The following HIRA variants were observed in gnomAD, a reference collection of about 807,000 sequenced individuals.
The protein encoded by HIRA is histone cell cycle regulator, also known as protein HIRA.
Under a neutral mutation model 126.6 loss-of-function variants are expected in HIRA, and 13 were observed. The observed-to-expected ratio is 0.10, with a 90% CI of 0.07 to 0.16. HIRA has a LOEUF of 0.16. HIRA is among the 10% of genes least tolerant of loss of function. The pLI is 1.00. For missense variants in HIRA, 834 were observed against 1,314.4 expected, an observed-to-expected ratio of 0.63 and a Z score of 5.65; for synonymous variants, 511 against 520.0, an observed-to-expected ratio of 0.98 and a Z score of 0.24.
chr22:19,422,368 C>T (rs750989416), intron 1 of HIRA, among the ~76,000 whole-genome samples: 3 of 151,994 alleles, frequency 2.0e-5, no homozygotes, highest in African/African-American at 2.4e-5. Flanking sequence ...TGGATTACTA[C>T]CAGTAGTTGG....
chr22:19,416,736 C>G (rs912486040), intron 1 of HIRA, among the ~76,000 whole-genome samples: 2 of 151,996 alleles, frequency 1.3e-5, no homozygotes, highest in Non-Finnish European at 2.9e-5. Context: ...TTTTGTGCAT[C>G]AAAGGAAAAT....
chr22:19,394,943 C>A (rs9617790), intron 7 of HIRA, among the ~76,000 whole-genome samples: 1 of 152,184 alleles, frequency 6.6e-6, no homozygotes, highest in Non-Finnish European at 1.5e-5. Flanking sequence ...AACCCAGGAG[C>A]CTGGCAGAAG....
intron 14 of HIRA, among the ~76,000 whole-genome samples, chr22:19,376,353 G>A (rs1179020245): frequency 1.3e-5 from 2 of 152,170 alleles, no homozygotes; most frequent in African/African-American, 4.8e-5. Context: ...AGAGAAAGGA[G>A]AGGCCAGGCA....
intron 24 of HIRA, among the ~76,000 whole-genome samples, chr22:19,342,285 TTAAAAAA>T (rs1233791304): frequency 6.6e-6 from 1 of 152,014 alleles, no homozygotes; most frequent in Admixed American, 6.6e-5. Context: ...ATGGCCATAA[TTAAAAAA>T]TAAAAAAAAT....
intron 21 of HIRA, among the ~76,000 whole-genome samples, chr22:19,355,240 G>A (rs781919309): frequency 3.3e-5 from 5 of 152,108 alleles, no homozygotes; most frequent in East Asian, 1.9e-4. Context: ...CATAATTCAC[G>A]TGTCTGGGTT....
At chr22:19,378,160 C>T in intron 13 of HIRA, 94 bp from the exon 14 acceptor site, 1 of 889,278 alleles carries the variant, frequency 1.1e-6, no homozygotes, top group Non-Finnish European at 1.6e-6. Context: ...GGTCCAAAGG[C>T]AGTATGTTTT....
At chr22:19,388,167 T>C (rs1392738028) in intron 10 of HIRA, among the ~76,000 whole-genome samples, 1 of 152,230 alleles carries the variant, frequency 6.6e-6, no homozygotes, top group African/African-American at 2.4e-5. Flanking sequence ...AAGCAGAAAG[T>C]GTGCTTCTGA....
At chr22:19,415,784 C>T (rs1053524143) in intron 1 of HIRA, among the ~76,000 whole-genome samples, 6 of 151,284 alleles carry the variant, frequency 4.0e-5, no homozygotes, top group East Asian at 1.9e-4. Flanking sequence ...AGTGAAACTC[C>T]GTCTCAAAAA....
intron 15 of HIRA, among the ~76,000 whole-genome samples, chr22:19,371,256 C>G (rs2088961985): frequency 6.6e-6 from 1 of 152,212 alleles, no homozygotes; most frequent in Non-Finnish European, 1.5e-5. Context: ...GGGGACTCCT[C>G]TCTATTGCCC....
At position 19,335,391 on chromosome 22, in the gene HIRA, T is replaced by C. The variant is rs1601795015; in HGVS notation, c.2938-3835A>G. 4.6e-5 allele frequency among the ~76,000 whole-genome samples: 7 copies of C among 152,206 alleles called. 2 individuals are homozygous for C. Reference sequence around the variant, plus strand: ...TCCTGAGTAGCTGGGACTACAGGCATGTGCCACCACACCCGGCTAATTTTT... The same window carrying C: ...TCCTGAGTAGCTGGGACTACAGGCACGTGCCACCACACCCGGCTAATTTTT... On this transcript the variant is annotated intron_variant, in intron 24 of 24. Coordinates refer to ENST00000263208, the MANE Select transcript of HIRA (RefSeq NM_003325.4).
intron 2 of HIRA, among the ~76,000 whole-genome samples, chr22:19,408,945 C>T (rs1264296235): frequency 6.6e-6 from 1 of 152,164 alleles, no homozygotes; most frequent in Non-Finnish European, 1.5e-5. Context: ...ACTCCGACTC[C>T]TTGACTCCTC....
intron 24 of HIRA, among the ~76,000 whole-genome samples, chr22:19,335,209 A>G (rs1556005628): frequency 6.8e-6 from 1 of 148,078 alleles, no homozygotes; most frequent in African/African-American, 2.5e-5. Flanking sequence ...TACAAACTAC[A>G]TTTTCATTAT....
At chr22:19,355,680 T>C in intron 21 of HIRA, 80 bp downstream of exon 21, 1 of 1,017,102 alleles carries the variant, frequency 9.8e-7, no homozygotes, top group Non-Finnish European at 1.5e-6. Context: ...GGCAGCCCTG[T>C]AGGCCACGAC....
chr22:19,431,482 G>GGCCGCC lies in HIRA; in HGVS notation c.-12_-7dup, dbSNP rs535003721. 386 of 1,597,976 alleles carry GGCCGCC rather than the reference G, an allele frequency of 2.4e-4. 1 individual carries two copies. The African/African-American group carries it at 3.8e-3, about 16-fold the overall frequency. ...GTCGGCTTCAGGAGCTTCATTGTTC[G>GGCCGCC]GCCGCCGCCGCCGCCGGGCTGAGGC... On this transcript the variant is annotated 5_prime_UTR_variant, in exon 1 of 25. Coordinates refer to ENST00000263208, the MANE Select transcript of HIRA (RefSeq NM_003325.4).
At chr22:19,338,847 T>C (rs1242925953) in intron 24 of HIRA, among the ~76,000 whole-genome samples, 1 of 152,064 alleles carries the variant, frequency 6.6e-6, no homozygotes, top group Non-Finnish European at 1.5e-5. Flanking sequence ...AGAAATGAGA[T>C]ACACAGCAAC....
At chr22:19,392,727 A>T (rs1359959932) in intron 8 of HIRA, among the ~76,000 whole-genome samples, 1 of 152,182 alleles carries the variant, frequency 6.6e-6, no homozygotes, top group Non-Finnish European at 1.5e-5. Context: ...TCTAGCAGAG[A>T]TCTGCTCAGT....
intron 13 of HIRA, among the ~76,000 whole-genome samples, chr22:19,379,336 T>C (rs1336913064): frequency 2.6e-5 from 4 of 151,180 alleles, no homozygotes; most frequent in African/African-American, 9.7e-5. Context: ...GTAGAAATAC[T>C]TGATTTCCGG....
At chr22:19,353,293 G>GGCC in intron 23 of HIRA, 63 bp downstream of exon 23, 1 of 1,588,634 alleles carries the variant, frequency 6.3e-7, no homozygotes, top group Non-Finnish European at 8.6e-7. Context: ...CAGGGACTAA[G>GGCC]TGAGGCCTGG....
At chr22:19,347,615 A>C (rs1478831638) in intron 24 of HIRA, among the ~76,000 whole-genome samples, 1 of 152,222 alleles carries the variant, frequency 6.6e-6, no homozygotes, top group African/African-American at 2.4e-5. Context: ...TTTATCCATG[A>C]GGAAGAAGCT....
Sources: gnomAD v4.1 joint callset for allele counts (sites outside exome capture counted in the v4.1 genomes callset) on GRCh38, gnomAD v4.1.1 for gene constraint, MANE v1.5 for transcripts, NCBI Gene and HGNC (gene_info 2026-07-23, HGNC 2026-07-21) for gene names.